CERT1: variants seen among roughly 807,000 people sequenced by gnomAD.
The protein encoded by CERT1 is ceramide transporter 1.
In CERT1, 31 loss-of-function variants were observed where a neutral mutation model predicts 87.9. That is an observed-to-expected ratio of 0.35 (90% CI 0.27 to 0.48). CERT1 has a LOEUF of 0.48. Ranked by LOEUF, CERT1 falls within the 20% of genes least tolerant of loss-of-function variation. The pLI, the probability that CERT1 is intolerant of heterozygous loss-of-function variation, is 0.99. For missense variants in CERT1, 487 were observed against 758.0 expected, an observed-to-expected ratio of 0.64 and a Z score of 4.20; for synonymous variants, 289 against 250.9, an observed-to-expected ratio of 1.15 and a Z score of -1.44.
At chr5:75,399,222 C>T in intron 11 of CERT1, 88 bp downstream of exon 11, 1 of 980,262 alleles carries the variant, frequency 1.0e-6, no homozygotes, top group Admixed American at 1.8e-5. Flanking sequence ...AAATCAGTGG[C>T]CTAACCAAAA....
chr5:75,422,777 T>C (rs2112172996), intron 5 of CERT1, among the ~76,000 whole-genome samples: 1 of 152,302 alleles, frequency 6.6e-6, no homozygotes, highest in Non-Finnish European at 1.5e-5. Context: ...ACAAGGTTTG[T>C]AAAGCAGTAA....
At chr5:75,413,670 C>T (rs1157550711) in intron 7 of CERT1, among the ~76,000 whole-genome samples, 1 of 150,442 alleles carries the variant, frequency 6.6e-6, no homozygotes, top group Non-Finnish European at 1.5e-5. Context: ...AACACCTATA[C>T]ACACACACAC....
Position 75,369,345 on chromosome 5 carries a change from T to C in CERT1, c.*10-687A>G, listed in dbSNP as rs538638085. On this transcript the variant is annotated intron_variant, in intron 17 of 17. Transcript: ENST00000261415. ...AGTCGAACAATCATAAATCGAACCA[T>C]TGTTAAGGAACCATGTGTATTTGGA... is the stretch of plus-strand genomic sequence containing the variant. The C allele has an allele frequency of 5.3e-5, 8 of 152,188 alleles. No homozygotes were observed. The South Asian group carries it at 6.2e-4, about 12-fold the overall frequency. The allele number at this position is 152,188 out of a possible 1,614,324, so 9.4% of individuals were successfully genotyped here. A position where few individuals can be genotyped will look rare whatever the true frequency, so the allele number is the denominator to read the frequency against.
intron 3 of CERT1, among the ~76,000 whole-genome samples, chr5:75,438,007 C>T (rs1764167034): frequency 6.6e-6 from 1 of 151,998 alleles, no homozygotes; most frequent in East Asian, 1.9e-4. Flanking sequence ...TGTGAAATTT[C>T]CTGAATGTTC....
intron 2 of CERT1, among the ~76,000 whole-genome samples, chr5:75,488,256 C>T (rs1001730655): frequency 3.3e-5 from 5 of 151,906 alleles, no homozygotes; most frequent in Non-Finnish European, 7.4e-5. Context: ...CTGCATTTAC[C>T]ACGATGTGAT....
At chr5:75,423,750 T>C (rs1247954172) in intron 5 of CERT1, among the ~76,000 whole-genome samples, 1 of 152,196 alleles carries the variant, frequency 6.6e-6, no homozygotes, top group Non-Finnish European at 1.5e-5. Context: ...GTATATTACT[T>C]GAAGGCAGAC....
At chr5:75,488,090 T>C (rs1561298036) in intron 2 of CERT1, among the ~76,000 whole-genome samples, 1 of 151,962 alleles carries the variant, frequency 6.6e-6, no homozygotes, top group East Asian at 1.9e-4. Context: ...GGAGGGTTAA[T>C]AAGTACAAAA....
At chr5:75,428,837 A>C (rs922725734) in intron 3 of CERT1, among the ~76,000 whole-genome samples, 17 of 152,184 alleles carry the variant, frequency 1.1e-4, no homozygotes, top group Non-Finnish European at 1.5e-4. Flanking sequence ...ACCTAAACTT[A>C]AAGAACAAAG....
chr5:75,401,605 A>G (rs1012505845), intron 9 of CERT1: 3 of 152,238 alleles, frequency 2.0e-5, no homozygotes, highest in Non-Finnish European at 4.4e-5. Context: ...TTAGGAACTA[A>G]AAGTTCCCAC....
intron 3 of CERT1, among the ~76,000 whole-genome samples, chr5:75,442,029 G>T (rs1360011161): frequency 6.6e-6 from 1 of 152,068 alleles, no homozygotes; most frequent in Non-Finnish European, 1.5e-5. Flanking sequence ...AGGGCACAAG[G>T]GTTCCAATTT....
intron 2 of CERT1, among the ~76,000 whole-genome samples, chr5:75,489,341 A>C (rs1483912546): frequency 6.6e-6 from 1 of 152,204 alleles, no homozygotes; most frequent in Non-Finnish European, 1.5e-5. Flanking sequence ...GCATTGGCAA[A>C]GGCTTCATGA....
At chr5:75,417,092 TTAAGATTAGAAA>T (rs1481270393) in intron 6 of CERT1, 59 bp from the exon 7 acceptor site, 1 of 1,309,808 alleles carries the variant, frequency 7.6e-7, no homozygotes, top group East Asian at 2.4e-5. Flanking sequence ...TCATCACAAT[TTAAGATTAGAAA>T]ATGTTTAGAA....
intron 3 of CERT1, among the ~76,000 whole-genome samples, chr5:75,453,490 T>C (rs759135368): frequency 3.3e-5 from 5 of 152,140 alleles, no homozygotes; most frequent in Non-Finnish European, 7.4e-5. Context: ...CAGAAATACA[T>C]ACTTACAGCA....
chr5:75,403,100 G>A lies in CERT1; in HGVS notation c.931-42C>T, dbSNP rs1276720092. 4 of 1,351,292 alleles carry A rather than the reference G, an allele frequency of 3.0e-6. No individual in the cohort carries two copies. In the South Asian group the frequency reaches 3.6e-5, roughly 12 times the overall value. 83.7% of individuals were successfully genotyped at this position (1,351,292 alleles called of 1,614,324 possible). ...TGGAGAAAAAAGCAGTTTATTTAAA[G>A]AAACAGAAAACTCTGATAACTCTGG... On this transcript the variant is annotated intron_variant, in intron 8 of 16. Coordinates refer to ENST00000643780, the MANE Select transcript of CERT1 (RefSeq NM_001379029.1).
At chr5:75,428,129 C>G (rs1763700973) in intron 3 of CERT1, among the ~76,000 whole-genome samples, 1 of 151,966 alleles carries the variant, frequency 6.6e-6, no homozygotes, top group Admixed American at 6.6e-5. Context: ...GGAAAATATT[C>G]TTTTTAGCTA....
chr5:75,462,183 A>AT (rs1765260376), intron 2 of CERT1, among the ~76,000 whole-genome samples: 1 of 152,166 alleles, frequency 6.6e-6, no homozygotes, highest in African/African-American at 2.4e-5. Flanking sequence ...CAAATGTAGG[A>AT]TAGAGGCCAA....
Position 75,410,609 on chromosome 5 carries a change from C to CAA in CERT1, c.930+400_930+401dup, listed in dbSNP as rs34428665. Reference sequence around the variant, plus strand: ...TGGGTGACACAGCGAGACTCGGTCTCAAAAAAAAAAAAAAGATCTCACAGT... The same window carrying CAA: ...TGGGTGACACAGCGAGACTCGGTCTCAAAAAAAAAAAAAAAAGATCTCACAGT... On this transcript the variant is annotated intron_variant, in intron 8 of 16. Transcript: ENST00000643780. The CAA allele has an allele frequency of 4.3e-3, 575 of 135,014 alleles. 1 individual carries two copies. Among genetic ancestry groups the CAA allele is most frequent in the Non-Finnish European group, 5.8e-3 (372 of 64,110 alleles). The allele number at this position is 135,014 out of a possible 1,614,324, so 8.4% of individuals were successfully genotyped here.
At chr5:75,388,171 G>A (rs1761877142) in intron 12 of CERT1, among the ~76,000 whole-genome samples, 1 of 152,138 alleles carries the variant, frequency 6.6e-6, no homozygotes, top group Non-Finnish European at 1.5e-5. Flanking sequence ...TGTAGCAGCT[G>A]ATCTCAAACT....
At chr5:75,496,806 A>G (rs1189930372) in intron 2 of CERT1, among the ~76,000 whole-genome samples, 1 of 152,198 alleles carries the variant, frequency 6.6e-6, no homozygotes, top group Non-Finnish European at 1.5e-5. Flanking sequence ...ACTGACTACA[A>G]TGGGGCAGAA....
Sources: gnomAD v4.1 joint callset for allele counts (sites outside exome capture counted in the v4.1 genomes callset) on GRCh38, gnomAD v4.1.1 for gene constraint, MANE v1.5 for transcripts, NCBI Gene and HGNC (gene_info 2026-07-23, HGNC 2026-07-21) for gene names.